CCSER1: variants seen among roughly 807,000 people sequenced by gnomAD.
The protein encoded by CCSER1 is coiled-coil serine rich protein 1, also known as serine-rich coiled-coil domain-containing protein 1.
Under a neutral mutation model 82.0 loss-of-function variants are expected in CCSER1, and 41 were observed. The observed-to-expected ratio is 0.50, with a 90% CI of 0.39 to 0.65. The LOEUF (loss-of-function observed/expected upper bound fraction) is 0.65, where lower values mean the gene tolerates loss of function less well. Among genes scored for constraint, CCSER1 ranks in the 30% least tolerant of loss-of-function variants. The pLI is 0.00. For synonymous variants in CCSER1, 414 were observed against 383.9 expected (o/e 1.08, Z -0.92); for missense variants, 1,119 against 1,064.2 (o/e 1.05, Z -0.72).
chr4:90,766,630 G>A (rs1395082883), intron 7 of CCSER1, among the ~76,000 whole-genome samples: 1 of 151,778 alleles, frequency 6.6e-6, no homozygotes, highest in African/African-American at 2.4e-5. Context: ...GCAAGAACCT[G>A]TTTCTAAAAA....
At chr4:90,838,779 G>C (rs1331228521) in intron 8 of CCSER1, 45 of 1,252,438 alleles carry the variant, frequency 3.6e-5, no homozygotes, top group Non-Finnish European at 5.0e-5. Flanking sequence ...TGTGAAAGGG[G>C]CAGCACAGTC....
intron 7 of CCSER1, among the ~76,000 whole-genome samples, chr4:90,794,711 A>C (rs1755747073): frequency 6.6e-6 from 1 of 152,052 alleles, no homozygotes; most frequent in Admixed American, 6.6e-5. Flanking sequence ...GAAGAATGTC[A>C]GTGGTAGATT....
intron 3 of CCSER1, among the ~76,000 whole-genome samples, chr4:90,364,796 G>A (rs1339886792): frequency 1.3e-5 from 2 of 151,960 alleles, no homozygotes; most frequent in African/African-American, 2.4e-5. Context: ...GTTCTTAAAT[G>A]TGGAGCTCAC....
At chr4:90,229,630 T>C (rs187154447) in intron 1 of CCSER1, among the ~76,000 whole-genome samples, 42 of 152,164 alleles carry the variant, frequency 2.8e-4, no homozygotes, top group Non-Finnish European at 4.4e-5. Flanking sequence ...ATATTACCTT[T>C]AAATGTAACT....
intron 3 of CCSER1, among the ~76,000 whole-genome samples, chr4:90,354,597 A>T (rs1196745120): frequency 3.3e-5 from 5 of 152,092 alleles, no homozygotes; most frequent in Admixed American, 3.3e-4. Context: ...GTACACCTTA[A>T]ATTAATACAA....
At chr4:91,248,674 C>A (rs898220857) in intron 10 of CCSER1, among the ~76,000 whole-genome samples, 1 of 151,772 alleles carries the variant, frequency 6.6e-6, no homozygotes. Flanking sequence ...ACATGATGGT[C>A]AAATGTAATG....
At chr4:90,163,699 A>T (rs1729913191) in intron 1 of CCSER1, among the ~76,000 whole-genome samples, 2 of 152,124 alleles carry the variant, frequency 1.3e-5, no homozygotes. Context: ...TTAACTTTAC[A>T]AAGGTCACTA....
intron 7 of CCSER1, among the ~76,000 whole-genome samples, chr4:90,752,297 T>C (rs1748789958): frequency 6.6e-6 from 1 of 152,126 alleles, no homozygotes; most frequent in Non-Finnish European, 1.5e-5. Context: ...ATGCTACTTC[T>C]CTAATAGAAT....
chr4:90,600,400 T>C (rs1392220608), intron 5 of CCSER1, among the ~76,000 whole-genome samples: 2 of 152,282 alleles, frequency 1.3e-5, no homozygotes, highest in South Asian at 4.1e-4. Flanking sequence ...TCATTTTTCT[T>C]TGTGGTTTTA....
intron 4 of CCSER1, among the ~76,000 whole-genome samples, chr4:90,448,444 A>AACATAT (rs71596528): frequency 2.3e-5 from 1 of 44,074 alleles, no homozygotes; most frequent in African/African-American, 5.6e-5. Flanking sequence ...AGGTGAATTG[A>AACATAT]ATATATATAT....
intron 10 of CCSER1, among the ~76,000 whole-genome samples, chr4:91,382,411 C>T (rs868304127): frequency 1.3e-5 from 2 of 152,304 alleles, no homozygotes; most frequent in African/African-American, 2.4e-5. Flanking sequence ...CAATGGCGGG[C>T]ACCTGGCCCT....
intron 9 of CCSER1, among the ~76,000 whole-genome samples, chr4:90,933,227 G>A (rs1416498411): frequency 4.8e-5 from 7 of 145,722 alleles, no homozygotes; most frequent in Admixed American, 3.5e-4. Context: ...TCGCTCTGTC[G>A]CCGAGGCTGG....
In CCSER1 at chr4:90,882,918, C is replaced by A. The variant is rs147472712; in HGVS notation, c.2095-40452C>A. On this transcript the variant is annotated intron_variant, in intron 8 of 10. Coordinates refer to ENST00000509176, the MANE Select transcript of CCSER1 (RefSeq NM_001145065.2). ...TTTATCAAGCGCTTCATGTTTAGAA[C>A]AATATTTATGTTCATGTTTAGAGCA... Among the ~76,000 whole-genome samples, 375 of 152,068 alleles carry A rather than the reference C, an allele frequency of 2.5e-3. 3 individuals carry two copies. In the East Asian group the frequency reaches 0.028, roughly 11 times the overall value.
At chr4:90,403,683 C>T (rs1462972376) in intron 4 of CCSER1, among the ~76,000 whole-genome samples, 1 of 151,912 alleles carries the variant, frequency 6.6e-6, no homozygotes, top group African/African-American at 2.4e-5. Flanking sequence ...GCTTATATTA[C>T]TGAAAATCAT....
At chr4:91,422,751 A>G (rs1753751065) in intron 10 of CCSER1, among the ~76,000 whole-genome samples, 1 of 152,176 alleles carries the variant, frequency 6.6e-6, no homozygotes, top group Admixed American at 6.5e-5. Context: ...CCTTTAGGAC[A>G]TCCAGTAAAT....
At chr4:90,464,233 G>C (rs182898426) in intron 4 of CCSER1, among the ~76,000 whole-genome samples, 40 of 152,264 alleles carry the variant, frequency 2.6e-4, no homozygotes, top group African/African-American at 8.9e-4. Context: ...TCCCTGGAAG[G>C]CTTGTTCATT....
At chr4:90,613,429 A>C (rs1560813922) in intron 5 of CCSER1, among the ~76,000 whole-genome samples, 2 of 152,184 alleles carry the variant, frequency 1.3e-5, no homozygotes, top group Non-Finnish European at 2.9e-5. Context: ...AGAGGTGGGC[A>C]TCTCACAAGT....
intron 10 of CCSER1, among the ~76,000 whole-genome samples, chr4:91,310,021 G>A (rs1578169508): frequency 1.3e-5 from 2 of 151,912 alleles, no homozygotes; most frequent in South Asian, 4.2e-4. Context: ...TAGTTACTTT[G>A]GCATGTGGCA....
chr4:90,302,275 A>G (rs546430968), intron 1 of CCSER1, among the ~76,000 whole-genome samples: 10 of 152,356 alleles, frequency 6.6e-5, no homozygotes, highest in African/African-American at 2.2e-4. Flanking sequence ...AGATAAATAT[A>G]CAGATGCTTA....
Sources: gnomAD v4.1 joint callset for allele counts (sites outside exome capture counted in the v4.1 genomes callset) on GRCh38, gnomAD v4.1.1 for gene constraint, MANE v1.5 for transcripts, NCBI Gene and HGNC (gene_info 2026-07-23, HGNC 2026-07-21) for gene names.